Variants in SBNO1 observed in about 807,000 individuals in gnomAD.
SBNO1 encodes the protein protein strawberry notch homolog 1.
SBNO1 carries 23 observed loss-of-function variants against 173.6 expected under a neutral mutation model. That is an observed-to-expected ratio of 0.13 (90% CI 0.10 to 0.19). SBNO1 has a LOEUF of 0.19. SBNO1 is among the 10% of genes least tolerant of loss of function. SBNO1 has a pLI of 1.00. For missense variants in SBNO1, 1,238 were observed against 1,671.2 expected, an observed-to-expected ratio of 0.74 and a Z score of 4.52; for synonymous variants, 632 against 571.5, an observed-to-expected ratio of 1.11 and a Z score of -1.51.
At chr12:123,362,054 G>T (rs1322072805) in intron 1 of SBNO1, among the ~76,000 whole-genome samples, 2 of 151,736 alleles carry the variant, frequency 1.3e-5, no homozygotes, top group African/African-American at 4.8e-5. Flanking sequence ...CAGAATAACC[G>T]TTTTAACCCA....
chr12:123,323,551 T>G, intron 16 of SBNO1, 129 bp downstream of exon 16: 1 of 501,220 alleles, frequency 2.0e-6, no homozygotes, highest in Non-Finnish European at 3.3e-6. Context: ...AGATGGGGTT[T>G]CACCGTGTTA....
chr12:123,324,565 ACCAGACTCAG>A (rs1870389161), intron 15 of SBNO1, among the ~76,000 whole-genome samples: 1 of 151,700 alleles, frequency 6.6e-6, no homozygotes, highest in South Asian at 2.1e-4. Flanking sequence ...CTCGTGATCC[ACCAGACTCAG>A]CCTCCCAAAG....
intron 6 of SBNO1, 113 bp from the exon 7 acceptor site, chr12:123,334,326 G>A (rs1871577299): frequency 5.8e-6 from 4 of 687,994 alleles, no homozygotes; most frequent in South Asian, 2.1e-5. Context: ...TAATTAAAAA[G>A]TATTCACTCT....
intron 19 of SBNO1, among the ~76,000 whole-genome samples, 194 bp from the exon 20 acceptor site, chr12:123,320,225 T>A (rs1259364118): frequency 6.6e-6 from 1 of 152,190 alleles, no homozygotes; most frequent in African/African-American, 2.4e-5. Flanking sequence ...AGATGCGTGA[T>A]AAGTGCAGTA....
chr12:123,330,643 A>C, intron 8 of SBNO1, 134 bp from the exon 9 acceptor site: 1 of 438,480 alleles, frequency 2.3e-6, no homozygotes, highest in South Asian at 2.5e-5. Context: ...TTACTCATTA[A>C]AACACCATCC....
At chr12:123,342,297 A>AG (rs1872660505) in intron 4 of SBNO1, among the ~76,000 whole-genome samples, 1 of 151,610 alleles carries the variant, frequency 6.6e-6, no homozygotes, top group Admixed American at 6.6e-5. Context: ...AAATACAAAA[A>AG]AAAATTAGCT....
chr12:123,359,554 C>CAAA (rs62698860), intron 1 of SBNO1, among the ~76,000 whole-genome samples: 4 of 136,904 alleles, frequency 2.9e-5, no homozygotes, highest in Middle Eastern at 3.4e-3. Context: ...GACTCCGTCT[C>CAAA]AAAAAAAAAA....
In SBNO1 at chr12:123,302,863, T is replaced by C. The variant is rs1262555391; in HGVS notation, c.3806A>G (p.Gln1269Arg). Residue 1269 changes from glutamine to arginine, a missense_variant, in exon 30 of 32, where the codon CAG (glutamine) becomes CGG (arginine). Around this residue, in one of 14 missense-constraint regions of SBNO1, gnomAD observed 351 missense variants for 420.3 expected, o/e 0.84. Transcript: ENST00000602398. ...SDDALMHWLD[Q>R]YNSSADTCTH... is the part of the protein sequence containing the mutation. ...ACAAGTATCTGCAGATGAATTATAC[T>C]GATCTAACCAGTGCATCAGGGCATC... The C allele has an allele frequency of 1.2e-6, 2 of 1,613,726 alleles. No homozygotes were observed.
chr12:123,312,106 G>A (rs1868656597), intron 24 of SBNO1, among the ~76,000 whole-genome samples: 1 of 150,320 alleles, frequency 6.7e-6, no homozygotes, highest in African/African-American at 2.4e-5. Context: ...CTGAGACAGG[G>A]TCTCTCTCAC....
intron 20 of SBNO1, among the ~76,000 whole-genome samples, chr12:123,317,786 AATCT>A (rs1869460489): frequency 6.6e-6 from 1 of 152,170 alleles, no homozygotes; most frequent in Admixed American, 6.6e-5. Context: ...TGAGAGAAAT[AATCT>A]ATCTTATTGA....
intron 4 of SBNO1, 125 bp downstream of exon 4, chr12:123,345,133 G>A (rs913060435): frequency 7.1e-5 from 55 of 770,842 alleles, no homozygotes; most frequent in Non-Finnish European, 8.7e-5. Context: ...CTGTAAGTAC[G>A]CAAAATAATG....
intron 7 of SBNO1, among the ~76,000 whole-genome samples, chr12:123,331,799 T>C (rs186141651): frequency 3.4e-5 from 5 of 148,578 alleles, no homozygotes; most frequent in East Asian, 2.0e-4. Context: ...GGATTACAGG[T>C]GTGAGGCACT....
At chr12:123,313,111 G>A (rs1227980417) in intron 24 of SBNO1, among the ~76,000 whole-genome samples, 2 of 151,778 alleles carry the variant, frequency 1.3e-5, no homozygotes, top group East Asian at 1.9e-4. Context: ...GCTGAGGCAG[G>A]AGAATGGCTT....
At chr12:123,307,889 C>G (rs1414621185) in intron 28 of SBNO1, among the ~76,000 whole-genome samples, 2 of 152,166 alleles carry the variant, frequency 1.3e-5, no homozygotes, top group African/African-American at 4.8e-5. Flanking sequence ...CTGGCTAACA[C>G]AGTGAAACCC....
At chr12:123,317,459 C>G (rs1869419326) in intron 20 of SBNO1, 103 bp from the exon 21 acceptor site, 1 of 1,002,046 alleles carries the variant, frequency 1.0e-6, no homozygotes, top group Non-Finnish European at 1.5e-6. Flanking sequence ...CTCCTTCTTT[C>G]TCAATAATGA....
intron 24 of SBNO1, among the ~76,000 whole-genome samples, chr12:123,312,509 C>T (rs1034287474): frequency 6.6e-6 from 1 of 151,980 alleles, no homozygotes; most frequent in African/African-American, 2.4e-5. Flanking sequence ...GCCAGGATTT[C>T]AAGACCAGCC....
intron 5 of SBNO1, 122 bp downstream of exon 5, chr12:123,340,866 C>T (rs921540233): frequency 2.7e-5 from 18 of 659,054 alleles, no homozygotes; most frequent in South Asian, 5.2e-5. Flanking sequence ...TTAGTTCCCA[C>T]GCCTGTATAG....
At chr12:123,341,694 T>G (rs931341689) in intron 4 of SBNO1, among the ~76,000 whole-genome samples, 26 of 151,628 alleles carry the variant, frequency 1.7e-4, no homozygotes, top group Non-Finnish European at 7.4e-5. Context: ...CCTAATTTTG[T>G]AATTTTTTTT....
At chr12:123,299,789 G>A (rs546826987) in intron 30 of SBNO1, among the ~76,000 whole-genome samples, 1 of 151,994 alleles carries the variant, frequency 6.6e-6, no homozygotes, top group South Asian at 2.1e-4. Context: ...GGAGGCAGAA[G>A]GTGCAGTGAG....
Sources: allele counts gnomAD v4.1 joint callset (sites outside exome capture counted in the v4.1 genomes callset), GRCh38; gene constraint gnomAD v4.1.1; regional missense constraint gnomAD v4.1.1; transcripts MANE v1.5; gene names NCBI Gene and HGNC (gene_info 2026-07-23, HGNC 2026-07-21).